SLC24A2: variants seen among roughly 807,000 people sequenced by gnomAD.
The protein encoded by SLC24A2 is solute carrier family 24 member 2.
A neutral mutation model predicts 62.0 loss-of-function variants in SLC24A2; 36 were observed. The ratio of observed to expected loss-of-function variants is 0.58; its 90% confidence interval spans 0.44 to 0.77. The LOEUF is 0.77. Among genes scored for constraint, SLC24A2 ranks in the 30% least tolerant of loss-of-function variants. SLC24A2 has a pLI of 0.00. For synonymous variants in SLC24A2, 358 were observed against 294.0 expected, an observed-to-expected ratio of 1.22 and a Z score of -2.23; for missense variants, 846 against 817.9, an observed-to-expected ratio of 1.03 and a Z score of -0.42.
chr9:19,749,661 T>C (rs1255248875), intron 2 of SLC24A2, among the ~76,000 whole-genome samples: 2 of 152,222 alleles, frequency 1.3e-5, no homozygotes, highest in Admixed American at 6.5e-5. Context: ...AGATAAACAA[T>C]GAATCATTTT....
the SLC24A2 span, among the ~76,000 whole-genome samples, chr9:20,239,075 C>G: frequency 0.47 from 71,750 of 152,050 alleles, 20,993 homozygotes; most frequent in East Asian, 0.85. Context: ...AATTTCTCTT[C>G]TTTAAGCCAC....
chr9:20,277,616 G>C, the SLC24A2 span, among the ~76,000 whole-genome samples: 2 of 152,286 alleles, frequency 1.3e-5, no homozygotes, highest in African/African-American at 4.8e-5. Context: ...TGGAGAAATA[G>C]GAACACTTTT....
the SLC24A2 span, among the ~76,000 whole-genome samples, chr9:20,237,378 A>G: frequency 6.6e-6 from 1 of 152,228 alleles, no homozygotes; most frequent in Non-Finnish European, 1.5e-5. Context: ...TCTATTACCC[A>G]TGATTACTTA....
At chr9:20,152,316 G>C in the SLC24A2 span, among the ~76,000 whole-genome samples, 3 of 151,808 alleles carry the variant, frequency 2.0e-5, no homozygotes, top group African/African-American at 7.3e-5. Flanking sequence ...CTAGCATAAG[G>C]TTTCGTATTC....
the SLC24A2 span, among the ~76,000 whole-genome samples, chr9:20,268,510 A>G: frequency 6.6e-6 from 1 of 152,188 alleles, no homozygotes; most frequent in Admixed American, 6.5e-5. Flanking sequence ...AAGAAGAGGA[A>G]GAGAGATCTG....
the SLC24A2 span, among the ~76,000 whole-genome samples, chr9:20,213,864 C>A: frequency 6.6e-6 from 1 of 152,182 alleles, no homozygotes; most frequent in Non-Finnish European, 1.5e-5. Context: ...CCCTGACATA[C>A]AACATTGTAA....
At chr9:20,109,276 C>A in the SLC24A2 span, among the ~76,000 whole-genome samples, 75 of 152,222 alleles carry the variant, frequency 4.9e-4, no homozygotes, top group Non-Finnish European at 8.8e-4. Context: ...GACTAGTGAA[C>A]GAGATTATGC....
chr9:19,725,864 C>G (rs970572130), intron 2 of SLC24A2, among the ~76,000 whole-genome samples: 1 of 152,174 alleles, frequency 6.6e-6, no homozygotes. Context: ...GGATACACAG[C>G]TGCTGCCCAT....
At chr9:20,135,823 G>T in the SLC24A2 span, among the ~76,000 whole-genome samples, 2 of 152,072 alleles carry the variant, frequency 1.3e-5, no homozygotes, top group African/African-American at 4.8e-5. Context: ...TGGAGTTGGA[G>T]AATGTGTTTT....
At chr9:20,307,842 G>A in the SLC24A2 span, among the ~76,000 whole-genome samples, 10 of 152,104 alleles carry the variant, frequency 6.6e-5, no homozygotes, top group Admixed American at 5.2e-4. Flanking sequence ...GAGGGACCGC[G>A]GCTCTCTTTG....
the SLC24A2 span, among the ~76,000 whole-genome samples, chr9:20,238,916 T>G: frequency 4.1e-3 from 621 of 152,300 alleles, 4 homozygotes; most frequent in African/African-American, 0.014. Flanking sequence ...CCTATTCCTG[T>G]CTCTTCTTCC....
chr9:19,661,074 G>C (rs1819084643), intron 2 of SLC24A2, among the ~76,000 whole-genome samples: 1 of 152,098 alleles, frequency 6.6e-6, no homozygotes, highest in Admixed American at 6.5e-5. Context: ...TACAGGCCTT[G>C]CATATAGGAT....
Position 19,507,545 on chromosome 9 carries a change from G to T in SLC24A2, c.*8608C>A, listed in dbSNP as rs531587161. On this transcript the variant is annotated 3_prime_UTR_variant, in exon 11 of 11. Transcript: ENST00000341998. The stretch of plus-strand genomic sequence containing the variant: ...ATATTCTATGAATTGATTATCAGTA[G>T]TAGAAGCACAAAGGTATGGACAGTG... 1 of 152,304 alleles carries T rather than the reference G, an allele frequency of 6.6e-6. No individual in the cohort carries two copies. The highest frequency in any genetic ancestry group is 1.9e-4 in the East Asian group (1 of 5,184). The allele number at this position is 152,304 out of a possible 1,614,324, so 9.4% of individuals were successfully genotyped here.
At chr9:19,636,314 CTTTTCTTTCTTTCTTTCTTTCTTT>C (rs1818326010) in intron 2 of SLC24A2, among the ~76,000 whole-genome samples, 7 of 21,242 alleles carry the variant, frequency 3.3e-4, no homozygotes, top group Admixed American at 1.0e-3. Context: ...CTTTTCTTTT[CTTTTCTTTCTTTCTTTCTTTCTTT>C]CTTTCTTTCT....
In SLC24A2 at chr9:19,784,638, G is replaced by A. The variant is rs1402531931; in HGVS notation, c.930+1299C>T. 1.3e-5 allele frequency among the ~76,000 whole-genome samples: 2 copies of A among 152,158 alleles called. 1 individual carries two copies. The highest frequency in any genetic ancestry group is 4.8e-5 in the African/African-American group (2 of 41,432). On this transcript the variant is annotated intron_variant, in intron 2 of 10. Coordinates refer to ENST00000341998, the MANE Select transcript of SLC24A2 (RefSeq NM_020344.4). Reference sequence around the variant, plus strand: ...CTTTTTGGCTGCTAAGTTAGAGTAGGGGAGAACTTCCAATGATGGTCCTAT... The same window carrying A: ...CTTTTTGGCTGCTAAGTTAGAGTAGAGGAGAACTTCCAATGATGGTCCTAT...
At chr9:19,561,869 G>A (rs763971962) in intron 7 of SLC24A2, among the ~76,000 whole-genome samples, 35 of 152,292 alleles carry the variant, frequency 2.3e-4, no homozygotes, top group South Asian at 4.2e-4. Flanking sequence ...AACACAACAT[G>A]AGAAGGTTTC....
the SLC24A2 span, among the ~76,000 whole-genome samples, chr9:20,273,768 C>G: frequency 6.6e-6 from 1 of 152,080 alleles, no homozygotes; most frequent in Non-Finnish European, 1.5e-5. Context: ...CCAAGTTTCC[C>G]CAGTTCAATA....
chr9:19,560,897 G>GTGTGTGTGTATA (rs1287721646), intron 7 of SLC24A2, among the ~76,000 whole-genome samples: 4 of 128,498 alleles, frequency 3.1e-5, no homozygotes, highest in African/African-American at 1.2e-4. Flanking sequence ...GTGTGTGTGT[G>GTGTGTGTGTATA]TATATATATA....
the SLC24A2 span, among the ~76,000 whole-genome samples, chr9:19,998,061 T>A: frequency 6.6e-6 from 1 of 152,196 alleles, no homozygotes; most frequent in Non-Finnish European, 1.5e-5. Context: ...TAATAATGCA[T>A]CTCTCACTAT....
Sources: gnomAD v4.1 joint callset for allele counts (sites outside exome capture counted in the v4.1 genomes callset) on GRCh38, gnomAD v4.1.1 for gene constraint, MANE v1.5 for transcripts, NCBI Gene and HGNC (gene_info 2026-07-23, HGNC 2026-07-21) for gene names.